NFIB: variants seen among roughly 807,000 people sequenced by gnomAD.
NFIB encodes the protein nuclear factor I B, also known as nuclear factor 1 B-type.
A neutral mutation model predicts 61.5 loss-of-function variants in NFIB; 11 were observed. That is an observed-to-expected ratio of 0.18 (90% CI 0.11 to 0.30). The LOEUF (loss-of-function observed/expected upper bound fraction) is 0.30. Ranked by LOEUF, NFIB falls within the 10% of genes least tolerant of loss-of-function variation. The pLI is 1.00. For missense variants in NFIB, 471 were observed against 608.9 expected, an observed-to-expected ratio of 0.77 and a Z score of 2.38; for synonymous variants, 260 against 216.5, an observed-to-expected ratio of 1.20 and a Z score of -1.76.
chr9:14,303,948 T>C (rs78670109), intron 2 of NFIB, among the ~76,000 whole-genome samples: 3,341 of 152,304 alleles, frequency 0.022, 119 homozygotes, highest in African/African-American at 0.077. Context: ...AACAACTATA[T>C]TGAACATCAG....
chr9:14,310,059 A>G (rs10733280), intron 1 of NFIB, among the ~76,000 whole-genome samples: 114,067 of 152,170 alleles, frequency 0.75, 47,085 homozygotes, highest in East Asian at 0.9. Flanking sequence ...CACAGTTTTG[A>G]TTAAATTTGA....
the NFIB span, among the ~76,000 whole-genome samples, chr9:14,457,064 G>A: frequency 6.6e-6 from 1 of 152,186 alleles, no homozygotes; most frequent in Non-Finnish European, 1.5e-5. Flanking sequence ...AAATTGTCAT[G>A]TGAGAAAGAA....
intron 3 of NFIB, among the ~76,000 whole-genome samples, chr9:14,175,085 C>G (rs1350344501): frequency 6.6e-6 from 1 of 150,554 alleles, no homozygotes; most frequent in Non-Finnish European, 1.5e-5. Flanking sequence ...TTATGACAAC[C>G]TTCTGTTGGC....
the NFIB span, among the ~76,000 whole-genome samples, chr9:14,512,604 T>C: frequency 6.6e-6 from 1 of 152,192 alleles, no homozygotes; most frequent in Admixed American, 6.5e-5. Context: ...AAAAACGTAA[T>C]AAGTCCGCCA....
the NFIB span, among the ~76,000 whole-genome samples, chr9:14,488,198 T>C: frequency 6.6e-6 from 1 of 151,952 alleles, no homozygotes; most frequent in Admixed American, 6.6e-5. Context: ...ACTCCATCTT[T>C]ACAAAACATT....
chr9:14,170,458 A>G (rs983816002), intron 3 of NFIB, among the ~76,000 whole-genome samples: 2 of 152,172 alleles, frequency 1.3e-5, no homozygotes, highest in Non-Finnish European at 1.5e-5. Flanking sequence ...CCTAGGCAAC[A>G]TAGCAAGGCT....
chr9:14,208,345 A>G (rs2049968635), intron 2 of NFIB, among the ~76,000 whole-genome samples: 1 of 152,142 alleles, frequency 6.6e-6, no homozygotes, highest in South Asian at 2.1e-4. Context: ...AAATTGTACT[A>G]AAAAAGAAAA....
At chr9:14,092,071 C>T (rs779846751) in intron 10 of NFIB, among the ~76,000 whole-genome samples, 3 of 152,082 alleles carry the variant, frequency 2.0e-5, no homozygotes, top group Non-Finnish European at 2.9e-5. Flanking sequence ...GATGGTCCTG[C>T]TTCATTTTGT....
intron 4 of NFIB, 141 bp downstream of exon 4, chr9:14,155,684 T>C (rs2043311802): frequency 4.3e-6 from 2 of 466,212 alleles, no homozygotes; most frequent in Non-Finnish European, 7.6e-6. Flanking sequence ...CAAAATATAT[T>C]GTTATTTCAT....
intron 2 of NFIB, among the ~76,000 whole-genome samples, chr9:14,213,503 T>C (rs184989806): frequency 2.6e-5 from 4 of 152,340 alleles, no homozygotes; most frequent in Non-Finnish European, 2.9e-5. Flanking sequence ...TAGGTCCAGA[T>C]AGGGCCCATG....
intron 10 of NFIB, 111 bp from the exon 11 acceptor site, chr9:14,088,437 T>C: frequency 8.6e-7 from 1 of 1,163,304 alleles, no homozygotes; most frequent in Non-Finnish European, 1.1e-6. Flanking sequence ...ATTATTGCTA[T>C]CCCTATTTTC....
intron 1 of NFIB, among the ~76,000 whole-genome samples, chr9:14,391,348 C>T (rs982760582): frequency 1.6e-4 from 1 of 6,328 alleles, no homozygotes; most frequent in African/African-American, 8.2e-4. Flanking sequence ...CCCCACCCCC[C>T]GCCCGCTTCC....
chr9:14,300,078 G>T (rs761480474), intron 2 of NFIB: 5 of 397,342 alleles, frequency 1.3e-5, no homozygotes, highest in South Asian at 1.3e-4. Context: ...GCAGTTTGAT[G>T]ATTTATTCTC....
chr9:14,372,092 T>C (rs2061364613), intron 1 of NFIB, among the ~76,000 whole-genome samples: 1 of 151,554 alleles, frequency 6.6e-6, no homozygotes, highest in Non-Finnish European at 1.5e-5. Flanking sequence ...ACCATCTGAA[T>C]GTCAGCCCTG....
chr9:14,513,367 C>T, the NFIB span, among the ~76,000 whole-genome samples: 5 of 152,052 alleles, frequency 3.3e-5, no homozygotes, highest in Admixed American at 2.6e-4. Context: ...TGGTGGCTCA[C>T]GCCTGTAATC....
chr9:14,447,313 T>C, the NFIB span, among the ~76,000 whole-genome samples: 1 of 152,216 alleles, frequency 6.6e-6, no homozygotes, highest in South Asian at 2.1e-4. Context: ...TCCTTGTGCA[T>C]TTAGTAAAGT....
the NFIB span, among the ~76,000 whole-genome samples, chr9:14,491,606 C>G: frequency 7.2e-5 from 11 of 152,208 alleles, no homozygotes; most frequent in Non-Finnish European, 1.5e-4. Context: ...GTGGCATTCT[C>G]AAGACACTCA....
intron 2 of NFIB, among the ~76,000 whole-genome samples, chr9:14,239,386 A>G (rs898639160): frequency 6.6e-6 from 1 of 152,212 alleles, no homozygotes; most frequent in African/African-American, 2.4e-5. Context: ...CAAATGAATA[A>G]GGTTTAGAGG....
intron 6 of NFIB, among the ~76,000 whole-genome samples, chr9:14,126,978 A>C (rs60606808): frequency 0.022 from 3,335 of 152,312 alleles, 122 homozygotes; most frequent in African/African-American, 0.075. Context: ...CGATGTGGAC[A>C]AGTAAGAAGG....
Sources: allele counts gnomAD v4.1 joint callset (sites outside exome capture counted in the v4.1 genomes callset), GRCh38; gene constraint gnomAD v4.1.1; transcripts MANE v1.5; gene names NCBI Gene and HGNC (gene_info 2026-07-23, HGNC 2026-07-21).